The following MRM3 variants were observed in gnomAD, a reference collection of about 807,000 sequenced individuals.
MRM3 encodes the protein mitochondrial rRNA methyltransferase 3, also known as rRNA methyltransferase 3, mitochondrial.
MRM3 carries 26 observed loss-of-function variants against 29.4 expected under a neutral mutation model. The observed-to-expected ratio is 0.89, with a 90% CI of 0.65 to 1.23. The LOEUF (loss-of-function observed/expected upper bound fraction) is 1.23, where lower values mean the gene tolerates loss of function less well. Among genes scored for constraint, MRM3 ranks in the 50% most tolerant of loss-of-function variants. The probability of loss-of-function intolerance (pLI) is 0.00; values close to 1 mark genes in which losing one functional copy is unlikely to be tolerated. For synonymous variants in MRM3, 225 were observed against 219.0 expected (o/e 1.03, Z -0.24); for missense variants, 578 against 540.2 (o/e 1.07, Z -0.69).
rs141611865 is a variant in MRM3, at chr17:791,846, C to T, written c.1040C>T (p.Thr347Ile). The T allele has an allele frequency of 1.3e-4, 216 of 1,614,036 alleles. 1 individual carries two copies. The Middle Eastern group carries it at 2.0e-3, about 15-fold the overall frequency. ...VEVQSYDSDW[T>I]EAPAAVVIGG... ...GTTCAGAGTTACGACTCGGACTGGA[C>T]AGAGGCGCCGGCAGCTGTGGTGATT... is the stretch of plus-strand genomic sequence containing the variant. Residue 347 changes from threonine (T) to isoleucine (I), a missense_variant, in exon 4 of 4, where the codon ACA (threonine) becomes ATA (isoleucine). Coordinates refer to ENST00000304478, the MANE Select transcript of MRM3 (RefSeq NM_018146.4).
intron 3 of MRM3, among the ~76,000 whole-genome samples, 157 bp from the exon 4 acceptor site, chr17:791,377 G>A (rs1910811158): frequency 6.6e-6 from 1 of 152,122 alleles, no homozygotes; most frequent in Non-Finnish European, 1.5e-5. Context: ...TCGCTGTGCT[G>A]GATGCTGTCA....
chr17:787,945 C>G lies in MRM3; in HGVS notation c.560-20C>G. The G allele has an allele frequency of 1.2e-6, 2 of 1,612,240 alleles. No individual in the cohort carries two copies. Among genetic ancestry groups the G allele is most frequent in the East Asian group, 4.5e-5 (2 of 44,882 alleles). On this transcript the variant is annotated intron_variant, in intron 2 of 3. Transcript: ENST00000304478. The surrounding 1 kb of genome is among the most constrained non-coding windows in gnomAD (Gnocchi z 4.1). ...CCGTGCCCACACCAGGCAAGTAAAC[C>G]ACCTGTTTTGTTTCCTCAGGGATTT...
At chr17:788,185 T>C (rs376094530) in intron 3 of MRM3, 53 bp downstream of exon 3, 15 of 1,590,604 alleles carry the variant, frequency 9.4e-6, no homozygotes, top group African/African-American at 8.1e-5. Flanking sequence ...TCCAGCCCTT[T>C]GGGAGGCCGA....
intron 2 of MRM3, among the ~76,000 whole-genome samples, chr17:786,937 G>A (rs1349954059): frequency 2.6e-5 from 4 of 152,060 alleles, no homozygotes; most frequent in African/African-American, 2.4e-5. Context: ...AATGAACTGT[G>A]GTACATTCAT....
At position 787,892 on chromosome 17, in the gene MRM3, A is replaced by T; in HGVS notation, c.560-73A>T. 1 of 1,405,382 alleles carries T rather than the reference A, an allele frequency of 7.1e-7. No homozygotes were observed. Among genetic ancestry groups the T allele is most frequent in the Non-Finnish European group, 1.0e-6 (1 of 994,660 alleles). 87.1% of individuals were successfully genotyped at this position (1,405,382 alleles called of 1,614,324 possible). A position where few individuals can be genotyped will look rare whatever the true frequency, so the allele number is the denominator to read the frequency against. The stretch of plus-strand genomic sequence containing the variant: ...TGTAACTAAGACCATATCAAGATTG[A>T]TAAGTAAATGAAAAGTCAGACTATT... On this transcript the variant is annotated intron_variant, in intron 2 of 3. Transcript: ENST00000304478. The surrounding 1 kb of genome is among the most constrained non-coding windows in gnomAD (Gnocchi z 4.1).
Position 787,547 on chromosome 17 carries a change from T to C in MRM3, c.560-418T>C, listed in dbSNP as rs1910592703. Among the ~76,000 whole-genome samples the C allele has an allele frequency of 6.6e-6, 1 of 152,040 alleles. No homozygotes were observed. The highest frequency in any genetic ancestry group is 1.5e-5 in the Non-Finnish European group (1 of 68,004). On this transcript the variant is annotated intron_variant, in intron 2 of 3. Transcript: ENST00000304478. The surrounding 1 kb of genome is among the most constrained non-coding windows in gnomAD (Gnocchi z 4.1). ...AATCAGAATGTATTCGTGGTTTTTT[T>C]TTTCCTTTTTTTTCTTTTTGAGAGG...
Position 791,679 on chromosome 17 carries a change from C to T in MRM3, c.873C>T (p.Gly291=). The change falls in exon 4 of 4, where the codon GGC becomes GGT. Residue 291 remains glycine (G), a synonymous_variant. Transcript: ENST00000304478. The part of the protein sequence containing the change: ...DTRVYVADNC[G]LYAQAEMSNK... Reference sequence around the variant, plus strand: ...GGGTCTATGTGGCTGACAACTGTGGCCTTTATGCCCAGGCTGAGATGTCTA... The same window carrying T: ...GGGTCTATGTGGCTGACAACTGTGGTCTTTATGCCCAGGCTGAGATGTCTA... 1 of 1,614,184 alleles carries T rather than the reference C, an allele frequency of 6.2e-7. No individual in the cohort carries two copies. The highest frequency in any genetic ancestry group is 8.5e-7 in the Non-Finnish European group (1 of 1,180,034).
Position 783,120 on chromosome 17 carries a change from G to A in MRM3, c.352G>A (p.Glu118Lys). 1 of 1,613,856 alleles carries A rather than the reference G, an allele frequency of 6.2e-7. No homozygotes were observed. The highest frequency in any genetic ancestry group is 8.5e-7 in the Non-Finnish European group (1 of 1,179,932). Residue 118 changes from glutamate to lysine, a missense_variant, in exon 2 of 4, where the codon GAA becomes AAA. By Grantham distance (56) the Glu-to-Lys change is moderately conservative. Coordinates refer to ENST00000304478, the MANE Select transcript of MRM3 (RefSeq NM_018146.4). ...AATAGTAAAGTCCAGGCCATTTCGG[G>A]AAAAACAAGGGAAGATCCTGCTGGA... ...MTIVKSRPFREKQGKILLEGR... is the reference protein window; with the variant it reads ...MTIVKSRPFRKKQGKILLEGR...
rs375210192 is a variant in MRM3, at chr17:792,006, C to G, written c.1200C>G (p.Phe400Leu). 4.8e-5 allele frequency: 78 copies of G among 1,613,716 alleles called. No individual in the cohort carries two copies. The highest frequency in any genetic ancestry group is 6.4e-5 in the Non-Finnish European group (76 of 1,180,000). The change falls in exon 4 of 4, where the codon TTC (phenylalanine) becomes TTG (leucine). Residue 400 changes from phenylalanine to leucine, a missense_variant. Phe to Leu is a conservative substitution (Grantham distance 22). Transcript: ENST00000304478. ...CCATGGCGGCAAGCATCCTGCTTTTCGAAGGGAAAAGACAGCTGCGGGGGA... is the reference window on the plus strand; with the variant it reads ...CCATGGCGGCAAGCATCCTGCTTTTGGAAGGGAAAAGACAGCTGCGGGGGA... ...NSAMAASILL[F>L]EGKRQLRGRA...
rs748868562 is a variant in MRM3 at position 791,774 on chromosome 17, A to C, written c.968A>C (p.Glu323Ala). 6.2e-7 allele frequency: 1 copy of C among 1,614,172 alleles called. No homozygotes were observed. The highest frequency in any genetic ancestry group is 1.1e-5 in the South Asian group (1 of 91,088). ...AAGTTTCACAAGTATGAGGAAGAGG[A>C]AGATGTAGAAACCGGAGCCAGTCAA... ...VMKFHKYEEE[E>A]DVETGASQDW... Residue 323 changes from glutamate to alanine, a missense_variant, in exon 4 of 4, where the codon GAA (glutamate) becomes GCA (alanine). Physicochemically the swap from Glu to Ala is moderately radical, Grantham distance 107. Coordinates refer to ENST00000304478, the MANE Select transcript of MRM3 (RefSeq NM_018146.4).
rs776866085 is a variant in MRM3, at chr17:787,796, G to A, written c.560-169G>A. Among the ~76,000 whole-genome samples, 15 of 152,160 alleles carry A rather than the reference G, an allele frequency of 9.9e-5. No individual in the cohort carries two copies. Among genetic ancestry groups the A allele is most frequent in the East Asian group, 3.9e-4 (2 of 5,192 alleles). Reference sequence around the variant, plus strand: ...ACTCCTGACCTCAGGTGATCCACCCGCCTTGGCCTCCCGAAGTGTTGGGAT... The same window carrying A: ...ACTCCTGACCTCAGGTGATCCACCCACCTTGGCCTCCCGAAGTGTTGGGAT... On this transcript the variant is annotated intron_variant, in intron 2 of 3. Coordinates refer to ENST00000304478, the MANE Select transcript of MRM3 (RefSeq NM_018146.4). This position sits in a 1 kb window ranked among gnomAD's most constrained non-coding sequence, Gnocchi z 4.1.
chr17:791,511 A>ATTGT (rs1244812921), intron 3 of MRM3, 23 bp from the exon 4 acceptor site: 2 of 1,601,574 alleles, frequency 1.2e-6, no homozygotes, highest in Admixed American at 3.4e-5. Context: ...TAACATCTTG[A>ATTGT]TTGTTTCCTT....
Position 787,346 on chromosome 17 carries a change from G to A in MRM3, c.560-619G>A, listed in dbSNP as rs1028654860. On this transcript the variant is annotated intron_variant, in intron 2 of 3. Coordinates refer to ENST00000304478, the MANE Select transcript of MRM3 (RefSeq NM_018146.4). This position sits in a 1 kb window ranked among gnomAD's most constrained non-coding sequence, Gnocchi z 4.1. ...AGATATATTGTTGCGTAAATAAGTC[G>A]ATTACAGAATAATACAGAGTATGAC... Among the ~76,000 whole-genome samples the A allele has an allele frequency of 2.6e-5, 4 of 152,046 alleles. No homozygotes were observed. Among genetic ancestry groups the A allele is most frequent in the Non-Finnish European group, 5.9e-5 (4 of 68,010 alleles).
chr17:782,609 G>C lies in MRM3; in HGVS notation c.231G>C (p.Glu77Asp). 1.2e-6 allele frequency: 2 copies of C among 1,614,036 alleles called. No individual in the cohort carries two copies. Among genetic ancestry groups the C allele is most frequent in the Non-Finnish European group, 1.7e-6 (2 of 1,179,986 alleles). The change falls in exon 1 of 4, where the codon GAG becomes GAC. Residue 77 changes from glutamate (E) to aspartate (D), a missense_variant. Coordinates refer to ENST00000304478, the MANE Select transcript of MRM3 (RefSeq NM_018146.4). ...AQEQREKQPL[E>D]ESASRAPSTW... ...AGCAACGAGAGAAACAACCGCTCGA[G>C]GAGTCCGCATCCCGCGCTCCCAGCA...
At position 787,999 on chromosome 17, in the gene MRM3, A is replaced by G; in HGVS notation, c.594A>G (p.Thr198=). The change falls in exon 3 of 4, where the codon ACA becomes ACG. Residue 198 remains threonine (T), a synonymous_variant. Coordinates refer to ENST00000304478, the MANE Select transcript of MRM3 (RefSeq NM_018146.4). This position sits in a 1 kb window ranked among gnomAD's most constrained non-coding sequence, Gnocchi z 4.1. The stretch of plus-strand genomic sequence containing the variant: ...CCAAGCCTGACCATGTTAAGATGAC[A>G]TATCCAAAGACTCAGCTTCAGCATT... ...IFAKPDHVKM[T]YPKTQLQHSL... The G allele has an allele frequency of 1.2e-6, 2 of 1,614,130 alleles. No homozygotes were observed. Among genetic ancestry groups the G allele is most frequent in the Non-Finnish European group, 1.7e-6 (2 of 1,180,032 alleles).
chr17:787,662 C>T lies in MRM3; in HGVS notation c.560-303C>T, dbSNP rs1910599360. Reference sequence around the variant, plus strand: ...CTCCCAGATTCAAGCGATTCTCCTGCCTCAGCCTCCCAGGTAGCTGGGACT... The same window carrying T: ...CTCCCAGATTCAAGCGATTCTCCTGTCTCAGCCTCCCAGGTAGCTGGGACT... On this transcript the variant is annotated intron_variant, in intron 2 of 3. Coordinates refer to ENST00000304478, the MANE Select transcript of MRM3 (RefSeq NM_018146.4). This position sits in a 1 kb window ranked among gnomAD's most constrained non-coding sequence, Gnocchi z 4.1. 6.6e-6 allele frequency among the ~76,000 whole-genome samples: 1 copy of T among 152,184 alleles called. No individual in the cohort carries two copies. The highest frequency in any genetic ancestry group is 6.5e-5 in the Admixed American group (1 of 15,272).
chr17:783,528 G>A (rs551745754), intron 2 of MRM3: 25 of 424,378 alleles, frequency 5.9e-5, no homozygotes, highest in African/African-American at 4.9e-4. Flanking sequence ...GTAGAGGTGG[G>A]GTTTCACCAT....
chr17:782,933 C>T lies in MRM3; in HGVS notation c.315-150C>T, dbSNP rs1047074594. The T allele has an allele frequency of 3.4e-6, 4 of 1,194,004 alleles. No homozygotes were observed. In the African/African-American group the frequency reaches 6.2e-5, roughly 18 times the overall value. The allele number at this position is 1,194,004 out of a possible 1,614,324, so 74.0% of individuals were successfully genotyped here. ...GAACTCCTGACCTCAGGTGATCCGC[C>T]CGCCTCGGCCTCCCAATGTGCTGGG... On this transcript the variant is annotated intron_variant, in intron 1 of 3. Coordinates refer to ENST00000304478, the MANE Select transcript of MRM3 (RefSeq NM_018146.4).
rs535925776 is a variant in MRM3 at position 787,158 on chromosome 17, A to T, written c.560-807A>T. 1.6e-4 allele frequency among the ~76,000 whole-genome samples: 24 copies of T among 152,248 alleles called. No individual in the cohort carries two copies. The South Asian group carries it at 4.8e-3, about 30-fold the overall frequency. On this transcript the variant is annotated intron_variant, in intron 2 of 3. Transcript: ENST00000304478. The surrounding 1 kb of genome is among the most constrained non-coding windows in gnomAD (Gnocchi z 4.1). ...ACTTGGGAGGCTGAGAGGCAGGAGAATTGCTTAAACCCGGGAGGCAGAGGT... is the reference window on the plus strand; with the variant it reads ...ACTTGGGAGGCTGAGAGGCAGGAGATTTGCTTAAACCCGGGAGGCAGAGGT...
Sources: gnomAD v4.1 joint callset for allele counts (sites outside exome capture counted in the v4.1 genomes callset) on GRCh38, gnomAD v4.1.1 for gene constraint, Gnocchi (gnomAD v3.1) non-coding constraint, MANE v1.5 for transcripts, NCBI Gene and HGNC (gene_info 2026-07-23, HGNC 2026-07-21) for gene names.